Variants in YJU2B observed in about 807,000 individuals in gnomAD.
The protein encoded by YJU2B is probable splicing factor YJU2B.
In YJU2B, 18 loss-of-function variants were observed where a neutral mutation model predicts 38.0. The observed-to-expected ratio is 0.47, with a 90% CI of 0.33 to 0.70. YJU2B has a LOEUF of 0.70. Ranked by LOEUF, YJU2B falls within the 30% of genes least tolerant of loss-of-function variation. The pLI is 0.02. For missense variants in YJU2B, 538 were observed against 556.3 expected (o/e 0.97, Z 0.33); for synonymous variants, 246 against 225.4 (o/e 1.09, Z -0.82).
chr19:13,740,773 G>A (rs764047111), intron 2 of YJU2B, among the ~76,000 whole-genome samples: 25 of 152,172 alleles, frequency 1.6e-4, no homozygotes, highest in Non-Finnish European at 2.9e-4. Context: ...CTGACCTCGC[G>A]ATCTGCCTCC....
At position 13,759,247 on chromosome 19, in the gene YJU2B, A is replaced by G; in HGVS notation, c.548A>G (p.Asn183Ser). ...GCCTGGAAGGACGACTTCGCCCTCA[A>G]CAGCATGCTGCGGAGAAGGTTCCGG... ...QSAWKDDFALNSMLRRRFREK... is the reference protein window; with the variant it reads ...QSAWKDDFALSSMLRRRFREK... Residue 183 changes from asparagine to serine, a missense_variant, in exon 8 of 10, where the codon AAC becomes AGC. Around this residue, in one of 2 missense-constraint regions of YJU2B, gnomAD observed 488 missense variants for 469.5 expected, o/e 1.04. Coordinates refer to ENST00000221554, the MANE Select transcript of YJU2B (RefSeq NM_030818.4). 6.2e-7 allele frequency: 1 copy of G among 1,611,796 alleles called. No homozygotes were observed. The highest frequency in any genetic ancestry group is 8.5e-7 in the Non-Finnish European group (1 of 1,178,984).
chr19:13,743,580 G>GAA (rs35952396), upstream of YJU2B, among the ~76,000 whole-genome samples: 632 of 137,522 alleles, frequency 4.6e-3, 3 homozygotes, highest in African/African-American at 0.016. Context: ...TCAGTCTCAG[G>GAA]AAAAAAAAAA....
At chr19:13,743,147 G>GTTTTTTTTTTTTTTTTTTTTTTTTT (rs1568279357), upstream of YJU2B, among the ~76,000 whole-genome samples, 3 of 152,060 alleles carry the variant, frequency 2.0e-5, no homozygotes, top group African/African-American at 7.3e-5. Flanking sequence ...TGCAGGTGGG[G>GTTTTTTTTTTTTTTTTTTTTTTTTT]GTTTTTTAAG....
intron 2 of YJU2B, among the ~76,000 whole-genome samples, chr19:13,740,406 C>G (rs1467693873): frequency 6.6e-6 from 1 of 151,990 alleles, no homozygotes; most frequent in African/African-American, 2.4e-5. Context: ...AGACAGGGGT[C>G]TCACCATGTT....
At chr19:13,745,682 G>GATAA (rs1555699803), upstream of YJU2B, among the ~76,000 whole-genome samples, 1 of 43,956 alleles carries the variant, frequency 2.3e-5, no homozygotes, top group African/African-American at 8.7e-5. Context: ...TAGATAGATA[G>GATAA]ATAGATAGAT....
chr19:13,747,040 G>A (rs1379770589), upstream of YJU2B, among the ~76,000 whole-genome samples: 1 of 150,242 alleles, frequency 6.7e-6, no homozygotes, highest in African/African-American at 2.4e-5. Flanking sequence ...AAATAAAAAA[G>A]TCTTGCAGGT....
At chr19:13,734,075 GCAC>G (rs1972885231) in intron 2 of YJU2B, among the ~76,000 whole-genome samples, 1 of 151,876 alleles carries the variant, frequency 6.6e-6, no homozygotes, top group Non-Finnish European at 1.5e-5. Flanking sequence ...CTATAGGCAT[GCAC>G]CACCCTGCTT....
In YJU2B at chr19:13,757,302, C is replaced by T. The variant is rs909837938; in HGVS notation, c.141-116C>T. On this transcript the variant is annotated intron_variant, in intron 4 of 9. Transcript: ENST00000221554. ...ATGTGAGTGCAGCAACTCCCGTTAACAGGGCAGTCTAATACCCCACCCCTC... is the reference window on the plus strand; with the variant it reads ...ATGTGAGTGCAGCAACTCCCGTTAATAGGGCAGTCTAATACCCCACCCCTC... 5 of 720,198 alleles carry T rather than the reference C, an allele frequency of 6.9e-6. No homozygotes were observed. The African/African-American group carries it at 7.3e-5, about 11-fold the overall frequency. The allele number at this position is 720,198 out of a possible 1,614,324, so 44.6% of individuals were successfully genotyped here. A position where few individuals can be genotyped will look rare whatever the true frequency, so the allele number is the denominator to read the frequency against.
chr19:13,751,794 T>G lies in YJU2B; in HGVS notation c.-15T>G. 1.1e-5 allele frequency: 18 copies of G among 1,614,070 alleles called. No homozygotes were observed. Among genetic ancestry groups the G allele is most frequent in the Non-Finnish European group, 1.5e-5 (18 of 1,179,964 alleles). ...CGTCCGCCCCGAGGCTGAGGACCAG[T>G]AGGCAGCTCCCAAGATGGTGAGTAG... On this transcript the variant is annotated 5_prime_UTR_variant, in exon 2 of 10. Coordinates refer to ENST00000221554, the MANE Select transcript of YJU2B (RefSeq NM_030818.4).
intron 8 of YJU2B, among the ~76,000 whole-genome samples, chr19:13,760,341 C>CTG (rs1461371419): frequency 1.3e-5 from 2 of 152,204 alleles, no homozygotes; most frequent in East Asian, 3.8e-4. Flanking sequence ...TGGCTTCTAG[C>CTG]TGTGTCCTCA....
At chr19:13,754,399 C>T (rs1973586133) in intron 3 of YJU2B, 57 bp downstream of exon 3, 3 of 1,437,232 alleles carry the variant, frequency 2.1e-6, no homozygotes, top group Non-Finnish European at 2.9e-6. Context: ...GTCATCCCCT[C>T]TTGGGGTTAG....
intron 2 of YJU2B, among the ~76,000 whole-genome samples, chr19:13,742,208 C>T (rs1468559175): frequency 6.6e-6 from 1 of 152,054 alleles, no homozygotes; most frequent in African/African-American, 2.4e-5. Context: ...TTCATTTCCC[C>T]TCAAAACTGC....
At chr19:13,762,461 A>G (rs2145174672) in intron 9 of YJU2B, 24 bp downstream of exon 9, 2 of 1,607,982 alleles carry the variant, frequency 1.2e-6, no homozygotes, top group Non-Finnish European at 1.7e-6. Context: ...CAGGGGGAAA[A>G]GGGGACAGGG....
At chr19:13,738,715 C>G (rs965763195) in intron 2 of YJU2B, among the ~76,000 whole-genome samples, 1 of 152,024 alleles carries the variant, frequency 6.6e-6, no homozygotes, top group East Asian at 1.9e-4. Context: ...CACGGTGAAA[C>G]CCCGTCTCTA....
chr19:13,752,692 T>C (rs1973515309), intron 2 of YJU2B, among the ~76,000 whole-genome samples: 1 of 151,844 alleles, frequency 6.6e-6, no homozygotes, highest in Non-Finnish European at 1.5e-5. Flanking sequence ...TGCAGTGGGC[T>C]GAGAACATGC....
At chr19:13,750,362 G>T (rs567527311) in intron 1 of YJU2B, among the ~76,000 whole-genome samples, 2 of 152,268 alleles carry the variant, frequency 1.3e-5, no homozygotes, top group South Asian at 4.1e-4. Context: ...GAGTAGCTGG[G>T]ATTACAGGCA....
intron 2 of YJU2B, among the ~76,000 whole-genome samples, chr19:13,738,126 T>C (rs576077608): frequency 1.3e-5 from 2 of 152,330 alleles, no homozygotes; most frequent in Admixed American, 6.5e-5. Flanking sequence ...TCTTTTGGAC[T>C]GTCCCTCAAA....
upstream of YJU2B, among the ~76,000 whole-genome samples, chr19:13,745,692 T>C (rs1454710899): frequency 2.1e-4 from 20 of 93,300 alleles, no homozygotes; most frequent in Non-Finnish European, 4.1e-4. Flanking sequence ...GATAGATAGA[T>C]ATAGATATAT....
chr19:13,745,625 TG>T (rs1337948437), upstream of YJU2B, among the ~76,000 whole-genome samples: 1 of 140,672 alleles, frequency 7.1e-6, no homozygotes, highest in African/African-American at 2.7e-5. Context: ...CTCTCCAGCC[TG>T]AGCAACAAGA....
Sources: allele counts gnomAD v4.1 joint callset (sites outside exome capture counted in the v4.1 genomes callset), GRCh38; gene constraint gnomAD v4.1.1; regional missense constraint gnomAD v4.1.1; transcripts MANE v1.5; gene names NCBI Gene and HGNC (gene_info 2026-07-23, HGNC 2026-07-21).